Variants in MACROD2 observed in about 807,000 individuals in gnomAD.
MACROD2 encodes ADP-ribose glycohydrolase MACROD2.
Under a neutral mutation model 70.4 loss-of-function variants are expected in MACROD2, and 36 were observed. The observed-to-expected ratio is 0.51, with a 90% CI of 0.39 to 0.68. The LOEUF (loss-of-function observed/expected upper bound fraction) is 0.68, where lower values mean the gene tolerates loss of function less well. MACROD2 is among the 30% of genes least tolerant of loss of function. The probability of loss-of-function intolerance (pLI) is 0.00; values close to 1 mark genes in which losing one functional copy is unlikely to be tolerated. For synonymous variants in MACROD2, 172 were observed against 178.8 expected (o/e 0.96, Z 0.30); for missense variants, 496 against 538.4 (o/e 0.92, Z 0.78).
chr20:14,623,064 T>C (rs1476908981), intron 4 of MACROD2: 1 of 152,182 alleles, frequency 6.6e-6, no homozygotes, highest in African/African-American at 2.4e-5. Context: ...CTCAACAACA[T>C]AGATAGTACA....
At chr20:14,538,097 A>G (rs1480647251) in intron 4 of MACROD2, among the ~76,000 whole-genome samples, 1 of 152,206 alleles carries the variant, frequency 6.6e-6, no homozygotes, top group Non-Finnish European at 1.5e-5. Context: ...GAACAATCCC[A>G]TGAAGGGGAT....
chr20:15,992,618 A>G (rs2066573149), intron 15 of MACROD2, among the ~76,000 whole-genome samples: 1 of 152,208 alleles, frequency 6.6e-6, no homozygotes, highest in South Asian at 2.1e-4. Context: ...ATCTCTTCTA[A>G]GTCTCCAGCA....
At chr20:14,146,337 A>AAC (rs1030033778) in intron 3 of MACROD2, among the ~76,000 whole-genome samples, 2 of 152,090 alleles carry the variant, frequency 1.3e-5, no homozygotes, top group African/African-American at 4.8e-5. Flanking sequence ...AAAAAACAAA[A>AAC]AACAAAGATT....
intron 5 of MACROD2, among the ~76,000 whole-genome samples, chr20:15,102,760 T>A (rs2075882698): frequency 6.6e-6 from 1 of 152,082 alleles, no homozygotes; most frequent in Non-Finnish European, 1.5e-5. Context: ...ATATTTTGTT[T>A]ATAATAGCAA....
chr20:15,156,604 T>G (rs1255660036), intron 5 of MACROD2, among the ~76,000 whole-genome samples: 2 of 152,176 alleles, frequency 1.3e-5, no homozygotes, highest in Non-Finnish European at 2.9e-5. Context: ...TCTCCTACCC[T>G]AAGCTCATCC....
At chr20:14,585,814 T>C (rs1981336952) in intron 4 of MACROD2, among the ~76,000 whole-genome samples, 1 of 152,184 alleles carries the variant, frequency 6.6e-6, no homozygotes, top group Non-Finnish European at 1.5e-5. Flanking sequence ...TATGTTGATA[T>C]TACAATATTG....
intron 6 of MACROD2, among the ~76,000 whole-genome samples, chr20:15,234,021 T>TGTTTG (rs1568657601): frequency 1.2e-3 from 19 of 15,664 alleles, no homozygotes; most frequent in African/African-American, 5.3e-3. Context: ...TCTTTTTTTT[T>TGTTTG]TTTTTTTTTT....
chr20:14,812,577 A>G (rs1347870184), intron 5 of MACROD2, among the ~76,000 whole-genome samples: 1 of 152,054 alleles, frequency 6.6e-6, no homozygotes, highest in Non-Finnish European at 1.5e-5. Flanking sequence ...AATAATAAAT[A>G]AATAAATATA....
At chr20:15,815,686 G>C (rs866798775) in intron 8 of MACROD2, among the ~76,000 whole-genome samples, 1 of 152,086 alleles carries the variant, frequency 6.6e-6, no homozygotes, top group African/African-American at 2.4e-5. Context: ...TGGAAGCAAG[G>C]ACTTCCTGGA....
chr20:15,498,340 C>A (rs2146488634), intron 7 of MACROD2, among the ~76,000 whole-genome samples: 1 of 152,236 alleles, frequency 6.6e-6, no homozygotes, highest in East Asian at 1.9e-4. Flanking sequence ...TACATATTTG[C>A]CCTCCAATAA....
chr20:14,903,904 G>A (rs1192272235), intron 5 of MACROD2, among the ~76,000 whole-genome samples: 1 of 152,096 alleles, frequency 6.6e-6, no homozygotes, highest in East Asian at 1.9e-4. Context: ...TGCATGAAAG[G>A]TTTTTTTATT....
chr20:15,183,750 T>G (rs2145905483), intron 5 of MACROD2, among the ~76,000 whole-genome samples: 1 of 152,272 alleles, frequency 6.6e-6, no homozygotes, highest in South Asian at 2.1e-4. Flanking sequence ...GCTTGTGGTG[T>G]TCCCAATCAC....
chr20:15,699,654 A>G (rs1393940051), intron 8 of MACROD2, among the ~76,000 whole-genome samples: 1 of 152,148 alleles, frequency 6.6e-6, no homozygotes, highest in Non-Finnish European at 1.5e-5. Context: ...ACGGGCCTGA[A>G]AACTTGCCCA....
intron 6 of MACROD2, among the ~76,000 whole-genome samples, chr20:15,368,108 A>G (rs2045438229): frequency 6.6e-6 from 1 of 152,198 alleles, no homozygotes; most frequent in Non-Finnish European, 1.5e-5. Flanking sequence ...GAAAAGAAAA[A>G]GATCCAATGG....
At chr20:14,448,334 G>T (rs1416802129) in intron 3 of MACROD2, among the ~76,000 whole-genome samples, 1 of 152,030 alleles carries the variant, frequency 6.6e-6, no homozygotes, top group Admixed American at 6.5e-5. Flanking sequence ...GAGCCTGCCA[G>T]AGTTTTCATT....
rs115377268 is a variant in MACROD2 at position 15,791,908 on chromosome 20, G to A, written c.646-70837G>A. 2.2e-3 allele frequency among the ~76,000 whole-genome samples: 329 copies of A among 152,026 alleles called. 3 individuals are homozygous for A. The highest frequency in any genetic ancestry group is 7.7e-3 in the African/African-American group (321 of 41,512). ...TAACACTCCATCCAAATTTATTTTT[G>A]TACTTGACAAAATAACACAAAGTTC... On this transcript the variant is annotated intron_variant, in intron 8 of 17. Transcript: ENST00000684519.
At chr20:14,798,085 G>A (rs935838022) in intron 5 of MACROD2, among the ~76,000 whole-genome samples, 28 of 151,952 alleles carry the variant, frequency 1.8e-4, no homozygotes, top group African/African-American at 6.5e-4. Context: ...ATAATGTCAG[G>A]CTATGGGGCT....
intron 5 of MACROD2, among the ~76,000 whole-genome samples, chr20:15,071,584 A>C (rs1568559118): frequency 6.6e-6 from 1 of 152,214 alleles, no homozygotes; most frequent in Non-Finnish European, 1.5e-5. Flanking sequence ...CTATATGCAT[A>C]CTAAAGTACA....
At chr20:15,195,273 A>C (rs2076598123) in intron 5 of MACROD2, among the ~76,000 whole-genome samples, 1 of 152,230 alleles carries the variant, frequency 6.6e-6, no homozygotes, top group South Asian at 2.1e-4. Flanking sequence ...ACAGCAAAAG[A>C]AACTATGATC....
Sources: gnomAD v4.1 joint callset for allele counts (sites outside exome capture counted in the v4.1 genomes callset) on GRCh38, gnomAD v4.1.1 for gene constraint, MANE v1.5 for transcripts, NCBI Gene and HGNC (gene_info 2026-07-23, HGNC 2026-07-21) for gene names.